SYNDIG1: variants seen among roughly 807,000 people sequenced by gnomAD.
SYNDIG1 encodes the protein synapse differentiation-inducing gene protein 1.
SYNDIG1 carries 9 observed loss-of-function variants against 19.4 expected under a neutral mutation model. The observed-to-expected ratio is 0.46, with a 90% CI of 0.28 to 0.81. The LOEUF is 0.81. Ranked by LOEUF, SYNDIG1 falls within the 30% of genes least tolerant of loss-of-function variation. SYNDIG1 has a pLI of 0.12. For missense variants in SYNDIG1, 311 were observed against 343.3 expected (o/e 0.91, Z 0.74); for synonymous variants, 141 against 145.9 (o/e 0.97, Z 0.24).
intron 1 of SYNDIG1, among the ~76,000 whole-genome samples, chr20:24,494,777 G>A (rs527810360): frequency 3.3e-5 from 5 of 152,302 alleles, no homozygotes; most frequent in African/African-American, 7.2e-5. Flanking sequence ...GACCTCAGAC[G>A]TGACAGGCAC....
intron 3 of SYNDIG1, among the ~76,000 whole-genome samples, chr20:24,662,343 T>C (rs2059612399): frequency 6.6e-6 from 1 of 152,138 alleles, no homozygotes; most frequent in African/African-American, 2.4e-5. Context: ...TACATATCTT[T>C]GCAACTAGGG....
intron 1 of SYNDIG1, among the ~76,000 whole-genome samples, chr20:24,499,546 A>G (rs888955033): frequency 5.9e-5 from 9 of 152,242 alleles, no homozygotes; most frequent in African/African-American, 2.2e-4. Flanking sequence ...TTACCTATGA[A>G]CATGAGAGAA....
intron 2 of SYNDIG1, among the ~76,000 whole-genome samples, chr20:24,572,313 G>A (rs111403118): frequency 1.8e-4 from 28 of 152,340 alleles, no homozygotes; most frequent in Middle Eastern, 3.4e-3. Flanking sequence ...GCATTCTGGC[G>A]TGAGGGGATG....
At chr20:24,531,193 G>A (rs995286700) in intron 1 of SYNDIG1, among the ~76,000 whole-genome samples, 3 of 152,032 alleles carry the variant, frequency 2.0e-5, no homozygotes, top group Admixed American at 2.0e-4. Flanking sequence ...TACAGAGATG[G>A]TCTTATATGT....
chr20:24,544,121 C>T (rs1377391405), intron 2 of SYNDIG1, among the ~76,000 whole-genome samples: 3 of 152,128 alleles, frequency 2.0e-5, no homozygotes, highest in South Asian at 4.1e-4. Flanking sequence ...TTAGATGACT[C>T]GCTTCTTTAA....
At chr20:24,664,865 CT>C (rs1459075397) in intron 3 of SYNDIG1, among the ~76,000 whole-genome samples, 12 of 152,138 alleles carry the variant, frequency 7.9e-5, no homozygotes, top group Admixed American at 7.9e-4. Context: ...GAAATGGGAA[CT>C]GTCATTGCCT....
chr20:24,644,497 C>T (rs2059406106), intron 3 of SYNDIG1, among the ~76,000 whole-genome samples: 1 of 152,210 alleles, frequency 6.6e-6, no homozygotes, highest in South Asian at 2.1e-4. Flanking sequence ...CTCTGTGTGA[C>T]CTCAGAAGCC....
chr20:24,491,295 G>C (rs2056140725), intron 1 of SYNDIG1, among the ~76,000 whole-genome samples: 1 of 152,242 alleles, frequency 6.6e-6, no homozygotes, highest in Non-Finnish European at 1.5e-5. Context: ...CTGGAGAACA[G>C]AGGTCTGTAC....
chr20:24,476,457 C>T (rs1018515862), intron 1 of SYNDIG1, among the ~76,000 whole-genome samples: 13 of 152,066 alleles, frequency 8.5e-5, no homozygotes, highest in Non-Finnish European at 4.4e-5. Context: ...CCCTTGAGGT[C>T]AGGAGTTCAG....
intron 2 of SYNDIG1, among the ~76,000 whole-genome samples, chr20:24,545,042 T>C (rs1422433930): frequency 6.6e-6 from 1 of 152,018 alleles, no homozygotes; most frequent in Non-Finnish European, 1.5e-5. Flanking sequence ...CCACACTTGA[T>C]AGAAAGGCCG....
intron 2 of SYNDIG1, among the ~76,000 whole-genome samples, chr20:24,580,425 T>A (rs1320035906): frequency 6.6e-6 from 1 of 152,144 alleles, no homozygotes; most frequent in Non-Finnish European, 1.5e-5. Context: ...TTTGTTTGAT[T>A]TTTGAGACGG....
At chr20:24,604,873 T>C (rs1422194804) in intron 3 of SYNDIG1, among the ~76,000 whole-genome samples, 1 of 152,170 alleles carries the variant, frequency 6.6e-6, no homozygotes, top group Non-Finnish European at 1.5e-5. Context: ...GGGATAATAT[T>C]CCGTGCACCC....
At chr20:24,568,642 G>A (rs115157532) in intron 2 of SYNDIG1, among the ~76,000 whole-genome samples, 487 of 152,302 alleles carry the variant, frequency 3.2e-3, no homozygotes, top group African/African-American at 9.2e-3. Context: ...GATCACCTCC[G>A]TGGATCTGTA....
intron 2 of SYNDIG1, among the ~76,000 whole-genome samples, chr20:24,551,234 C>G (rs180714953): frequency 2.1e-4 from 32 of 152,272 alleles, no homozygotes; most frequent in Admixed American, 1.8e-3. Flanking sequence ...GTCCTTTATT[C>G]TTGTCCCAGT....
intron 1 of SYNDIG1, among the ~76,000 whole-genome samples, chr20:24,518,614 TGTGACGCTCTG>T (rs1326123625): frequency 6.6e-6 from 1 of 152,194 alleles, no homozygotes; most frequent in Non-Finnish European, 1.5e-5. Context: ...GCTCACTTCT[TGTGACGCTCTG>T]GGCAGAAGGT....
At chr20:24,645,930 G>A (rs1040573210) in intron 3 of SYNDIG1, among the ~76,000 whole-genome samples, 1 of 152,148 alleles carries the variant, frequency 6.6e-6, no homozygotes, top group African/African-American at 2.4e-5. Flanking sequence ...AGGAGTCAAG[G>A]CACCCTTCTC....
intron 2 of SYNDIG1, among the ~76,000 whole-genome samples, chr20:24,567,960 C>A (rs1398835743): frequency 1.3e-5 from 2 of 152,000 alleles, no homozygotes; most frequent in East Asian, 3.9e-4. Flanking sequence ...ATGGTGAAAC[C>A]CTGTCTCTAC....
At chr20:24,600,541 C>A (rs1347066327) in intron 3 of SYNDIG1, among the ~76,000 whole-genome samples, 5 of 151,968 alleles carry the variant, frequency 3.3e-5, no homozygotes, top group Non-Finnish European at 7.4e-5. Flanking sequence ...ACTTTTCTTG[C>A]ACATTTTTAT....
intron 3 of SYNDIG1, among the ~76,000 whole-genome samples, chr20:24,650,410 T>G (rs370565835): frequency 1.3e-5 from 2 of 152,264 alleles, no homozygotes; most frequent in African/African-American, 4.8e-5. Context: ...CTGTCCATCC[T>G]CAGTCCACAT....
Sources: allele counts gnomAD v4.1 joint callset (sites outside exome capture counted in the v4.1 genomes callset), GRCh38; gene constraint gnomAD v4.1.1; transcripts MANE v1.5; gene names NCBI Gene and HGNC (gene_info 2026-07-23, HGNC 2026-07-21).